Variants in CASQ2 observed in about 807,000 individuals in gnomAD.
The protein encoded by CASQ2 is calsequestrin-2.
CASQ2 carries 49 observed loss-of-function variants against 46.5 expected under a neutral mutation model. The ratio of observed to expected loss-of-function variants is 1.05; its 90% confidence interval spans 0.84 to 1.34. The LOEUF (loss-of-function observed/expected upper bound fraction) is 1.34. Among genes scored for constraint, CASQ2 ranks in the 40% most tolerant of loss-of-function variants. CASQ2 has a pLI of 0.00. For synonymous variants in CASQ2, 174 were observed against 168.5 expected, an observed-to-expected ratio of 1.03 and a Z score of -0.25; for missense variants, 486 against 481.3, an observed-to-expected ratio of 1.01 and a Z score of -0.09.
intron 5 of CASQ2, among the ~76,000 whole-genome samples, chr1:115,728,306 A>G (rs893473603): frequency 1.3e-5 from 2 of 152,228 alleles, no homozygotes; most frequent in African/African-American, 4.8e-5. Context: ...GGCATTTCAT[A>G]TAGTACTTAA....
chr1:115,714,480 T>C (rs1240951683), intron 8 of CASQ2, among the ~76,000 whole-genome samples: 2 of 152,206 alleles, frequency 1.3e-5, no homozygotes, highest in Admixed American at 6.5e-5. Context: ...AGTTCCTCAA[T>C]ACTGTTAGTT....
At chr1:115,735,778 G>A (rs1459689489) in intron 4 of CASQ2, among the ~76,000 whole-genome samples, 1 of 152,172 alleles carries the variant, frequency 6.6e-6, no homozygotes, top group South Asian at 2.1e-4. Context: ...AGTGATAGCT[G>A]TCAGATTGAA....
Position 115,703,013 on chromosome 1 carries a change from T to G in CASQ2, c.940-18A>C. On this transcript the variant is annotated intron_variant, in intron 9 of 10. Transcript: ENST00000261448. ...GCAACGAGCTGCAGCAACAAAAAAA[T>G]AAGATTAGACAGCAGGCAGAGGGCA... The G allele has an allele frequency of 1.2e-6, 2 of 1,604,820 alleles. No individual in the cohort carries two copies. The highest frequency in any genetic ancestry group is 1.7e-6 in the Non-Finnish European group (2 of 1,174,116).
chr1:115,755,219 G>A (rs1648718388), intron 1 of CASQ2, among the ~76,000 whole-genome samples: 1 of 152,218 alleles, frequency 6.6e-6, no homozygotes, highest in Admixed American at 6.5e-5. Context: ...TTTAAAGAGT[G>A]AATTTGACTG....
intron 7 of CASQ2, among the ~76,000 whole-genome samples, chr1:115,720,533 G>C (rs1270764543): frequency 1.3e-5 from 2 of 152,254 alleles, no homozygotes; most frequent in Non-Finnish European, 2.9e-5. Context: ...AGCAGAACAG[G>C]CTCCATGAAT....
intron 4 of CASQ2, 92 bp downstream of exon 4, chr1:115,738,132 G>A (rs1486694065): frequency 7.4e-6 from 6 of 806,192 alleles, no homozygotes; most frequent in African/African-American, 5.0e-5. Context: ...CAAAAGAGGT[G>A]CTGAAGACCC....
intron 1 of CASQ2, among the ~76,000 whole-genome samples, chr1:115,752,338 C>T (rs1188016024): frequency 6.6e-6 from 1 of 152,204 alleles, no homozygotes; most frequent in African/African-American, 2.4e-5. Flanking sequence ...AGCCTGTAAG[C>T]TCTATGTCCA....
At chr1:115,754,659 C>A (rs1019223267) in intron 1 of CASQ2, among the ~76,000 whole-genome samples, 1 of 152,098 alleles carries the variant, frequency 6.6e-6, no homozygotes, top group Non-Finnish European at 1.5e-5. Flanking sequence ...CTCCAGAGCC[C>A]GAACTTTCAT....
intron 4 of CASQ2, among the ~76,000 whole-genome samples, chr1:115,736,501 G>A (rs1284061928): frequency 6.6e-6 from 1 of 151,778 alleles, no homozygotes; most frequent in Non-Finnish European, 1.5e-5. Flanking sequence ...GCCAGGCGTG[G>A]TGGCGGGCAC....
At chr1:115,713,832 G>T (rs984312941) in intron 8 of CASQ2, among the ~76,000 whole-genome samples, 15 of 152,310 alleles carry the variant, frequency 9.8e-5, no homozygotes, top group Non-Finnish European at 1.8e-4. Context: ...GGTGGACTGT[G>T]CACAGGAGGG....
In CASQ2 at chr1:115,740,722, A is replaced by G. The variant is rs9428083; in HGVS notation, c.420+6T>C. 1,310,442 of 1,571,264 alleles carry G rather than the reference A, an allele frequency of 0.83. 558,295 individuals are homozygous for G. The highest frequency in any genetic ancestry group is 0.88 in the Non-Finnish European group (1,007,161 of 1,141,288). On this transcript the variant is annotated splice_donor_region_variant and intron_variant, in intron 3 of 10. Transcript: ENST00000261448. ...CCATGCAGGGTCACTGTGTATAAAT[A>G]CTTACATCCAAGAGGAACTCCACCA...
chr1:115,722,721 C>T, intron 7 of CASQ2, among the ~76,000 whole-genome samples: 1 of 152,152 alleles, frequency 6.6e-6, no homozygotes, highest in East Asian at 1.9e-4. Context: ...AAGACGAAGA[C>T]CAAGACCCTG....
In CASQ2 at chr1:115,700,936, C is replaced by T; in HGVS notation, c.*305G>A. The T allele has an allele frequency of 1.7e-6, 1 of 603,972 alleles. No homozygotes were observed. The highest frequency in any genetic ancestry group is 1.9e-5 in the African/African-American group (1 of 54,010). 37.4% of individuals were successfully genotyped at this position (603,972 alleles called of 1,614,324 possible). On this transcript the variant is annotated 3_prime_UTR_variant, in exon 11 of 11. Transcript: ENST00000261448. ...GTGTTAGGGGATTGTTCACCCTAGA[C>T]TGCCATGTTCAGGCACTGCCATGAC...
chr1:115,732,966 C>G lies in CASQ2; in HGVS notation c.541G>C (p.Ala181Pro), dbSNP rs745879915. 3.1e-6 allele frequency: 5 copies of G among 1,612,572 alleles called. No homozygotes were observed. Among genetic ancestry groups the G allele is most frequent in the Non-Finnish European group, 3.4e-6 (4 of 1,178,814 alleles). The change falls in exon 5 of 11, where the codon GCT becomes CCT. Residue 181 changes from alanine to proline, a missense_variant. Physicochemically the swap from Ala to Pro is conservative, Grantham distance 27 (BLOSUM62 -1). Coordinates refer to ENST00000261448, the MANE Select transcript of CASQ2 (RefSeq NM_001232.4). ...AAGTGTTCAGCTGCTTCTTCAAAAG[C>G]CTTGTAGTCTAAGGGGAAAAATAAA... ...FKSEDSEYYK[A>P]FEEAAEHFQP...
intron 4 of CASQ2, among the ~76,000 whole-genome samples, chr1:115,733,428 A>G (rs1647858550): frequency 2.0e-5 from 3 of 152,256 alleles, no homozygotes; most frequent in Admixed American, 1.3e-4. Context: ...CACAATTGAC[A>G]TCACAGAAGT....
At chr1:115,740,617 C>G (rs951958859) in intron 3 of CASQ2, 111 bp downstream of exon 3, 13 of 732,030 alleles carry the variant, frequency 1.8e-5, no homozygotes, top group Non-Finnish European at 2.4e-5. Flanking sequence ...CCTGAAAAAC[C>G]TGTCACAGAT....
In CASQ2 at chr1:115,768,584, A is replaced by C; in HGVS notation, c.-43T>G. On this transcript the variant is annotated 5_prime_UTR_variant, in exon 1 of 11. Transcript: ENST00000261448. ...TCTCGTTCCCAAATATGCTGTGTGC[A>C]GAATAGAGGACAGAAGACTGTTAGA... is the stretch of plus-strand genomic sequence containing the variant. 1 of 1,230,670 alleles carries C rather than the reference A, an allele frequency of 8.1e-7. No individual in the cohort carries two copies. Among genetic ancestry groups the C allele is most frequent in the Non-Finnish European group, 1.2e-6 (1 of 841,800 alleles). 76.2% of individuals were successfully genotyped at this position (1,230,670 alleles called of 1,614,324 possible).
At chr1:115,750,801 C>T (rs1197537601) in intron 1 of CASQ2, among the ~76,000 whole-genome samples, 6 of 145,730 alleles carry the variant, frequency 4.1e-5, no homozygotes, top group East Asian at 2.1e-4. Context: ...GCCACCGCGC[C>T]CAGCCTAAAA....
chr1:115,743,631 A>G (rs1396251920), intron 2 of CASQ2, among the ~76,000 whole-genome samples: 1 of 151,824 alleles, frequency 6.6e-6, no homozygotes, highest in Non-Finnish European at 1.5e-5. Flanking sequence ...GTTGTCTGTA[A>G]TTTTCCAGGA....
Sources: gnomAD v4.1 joint callset for allele counts (sites outside exome capture counted in the v4.1 genomes callset) on GRCh38, gnomAD v4.1.1 for gene constraint, MANE v1.5 for transcripts, NCBI Gene and HGNC (gene_info 2026-07-23, HGNC 2026-07-21) for gene names.